UBR3: variants seen among roughly 807,000 people sequenced by gnomAD.
UBR3 encodes ubiquitin protein ligase E3 component n-recognin 3.
Under a neutral mutation model 243.2 loss-of-function variants are expected in UBR3, and 85 were observed. The observed-to-expected ratio is 0.35, with a 90% CI of 0.29 to 0.42. The LOEUF is 0.42. Ranked by LOEUF, UBR3 falls within the 10% of genes least tolerant of loss-of-function variation. The pLI is 1.00. For synonymous variants in UBR3, 748 were observed against 799.8 expected (o/e 0.94, Z 1.09); for missense variants, 1,686 against 2,300.8 (o/e 0.73, Z 5.47).
Position 169,878,308 on chromosome 2 carries a change from G to A in UBR3, c.989-217G>A, listed in dbSNP as rs2083690613. Among the ~76,000 whole-genome samples the A allele has an allele frequency of 3.3e-5, 5 of 150,760 alleles. No homozygotes were observed. In the South Asian group the frequency reaches 1.0e-3, roughly 31 times the overall value. ...TCTGAGAAGTGGAGGTTGCAGTGAG[G>A]TGAGATTGCGCCACTGCACTCCAGC... On this transcript the variant is annotated intron_variant, in intron 4 of 38. Coordinates refer to ENST00000272793, the MANE Select transcript of UBR3 (RefSeq NM_172070.4).
At chr2:169,828,497 G>A (rs2081820346) in intron 1 of UBR3, among the ~76,000 whole-genome samples, 1 of 152,008 alleles carries the variant, frequency 6.6e-6, no homozygotes, top group Non-Finnish European at 1.5e-5. Flanking sequence ...ATTGGCTCGC[G>A]GGATGATGAG....
intron 35 of UBR3, among the ~76,000 whole-genome samples, chr2:170,070,856 AT>A (rs1240985631): frequency 6.6e-6 from 1 of 152,144 alleles, no homozygotes; most frequent in Non-Finnish European, 1.5e-5. Context: ...TATACCTAAA[AT>A]TTTTTTCTAG....
intron 5 of UBR3, among the ~76,000 whole-genome samples, chr2:169,890,536 G>GATATATAT (rs1396382870): frequency 9.3e-5 from 5 of 53,628 alleles, no homozygotes; most frequent in African/African-American, 2.5e-4. Flanking sequence ...GAGAGAGAGA[G>GATATATAT]AGAGATATAT....
intron 31 of UBR3, among the ~76,000 whole-genome samples, chr2:170,038,392 C>T (rs1024506877): frequency 6.6e-6 from 1 of 152,146 alleles, no homozygotes; most frequent in Non-Finnish European, 1.5e-5. Flanking sequence ...ATCCCTTTTC[C>T]CATGAATATT....
chr2:169,836,083 T>C (rs2082104392), intron 1 of UBR3, among the ~76,000 whole-genome samples: 1 of 111,282 alleles, frequency 9.0e-6, no homozygotes, highest in Non-Finnish European at 1.9e-5. Context: ...TTTTTTTTTT[T>C]TTTTTTTTTT....
At chr2:169,980,955 C>G (rs973348528) in intron 24 of UBR3, among the ~76,000 whole-genome samples, 1 of 151,840 alleles carries the variant, frequency 6.6e-6, no homozygotes, top group African/African-American at 2.4e-5. Context: ...CCCACCCCCT[C>G]TAGTGATGAT....
At chr2:169,876,370 G>A (rs1206776583) in intron 3 of UBR3, among the ~76,000 whole-genome samples, 1 of 152,158 alleles carries the variant, frequency 6.6e-6, no homozygotes, top group Non-Finnish European at 1.5e-5. Context: ...GTGAGCCACT[G>A]CGCCTGGCAA....
At chr2:169,837,369 G>A (rs143857994) in intron 1 of UBR3, among the ~76,000 whole-genome samples, 1,773 of 152,276 alleles carry the variant, frequency 0.012, 50 homozygotes, top group African/African-American at 0.039. Flanking sequence ...CCAGCTTCTC[G>A]GGAGGCTGAG....
At chr2:170,034,543 T>C (rs1334839218) in intron 31 of UBR3, among the ~76,000 whole-genome samples, 1 of 151,886 alleles carries the variant, frequency 6.6e-6, no homozygotes, top group Non-Finnish European at 1.5e-5. Flanking sequence ...AACAATCCAT[T>C]GTCTGTACCA....
chr2:169,835,993 G>GTCCCCCTCTCTCTC lies in UBR3; in HGVS notation c.545+7943_545+7944insCCCCTCTCTCTCTC, dbSNP rs1194152380. Among the ~76,000 whole-genome samples the GTCCCCCTCTCTCTC allele has an allele frequency of 5.5e-4, 17 of 30,730 alleles. 1 individual carries two copies. Among genetic ancestry groups the GTCCCCCTCTCTCTC allele is most frequent in the African/African-American group, 1.5e-3 (14 of 9,202 alleles). 20.2% of individuals were successfully genotyped at this position (30,730 alleles called of 152,430 possible). Reference sequence around the variant, plus strand: ...TTTTCCTGAAATTCCTGTGTGCACTGTCTCTCTCTCTCTCTCTCTCTCTCT... The same window carrying GTCCCCCTCTCTCTC: ...TTTTCCTGAAATTCCTGTGTGCACTGTCCCCCTCTCTCTCTCTCTCTCTCTCTCTCTCTCTCTCT... On this transcript the variant is annotated intron_variant, in intron 1 of 38. Transcript: ENST00000272793.
At chr2:169,908,036 ATCT>A (rs369743027) in intron 10 of UBR3, among the ~76,000 whole-genome samples, 7 of 152,056 alleles carry the variant, frequency 4.6e-5, no homozygotes, top group African/African-American at 1.7e-4. Flanking sequence ...CCTATAATTC[ATCT>A]TCTTATACCC....
At chr2:169,894,535 T>A (rs1175666484) in intron 6 of UBR3, among the ~76,000 whole-genome samples, 1 of 152,030 alleles carries the variant, frequency 6.6e-6, no homozygotes. Context: ...AAAAACTGCG[T>A]TAAAGTTATA....
At chr2:169,993,886 C>T (rs1240823535) in intron 25 of UBR3, among the ~76,000 whole-genome samples, 1 of 152,176 alleles carries the variant, frequency 6.6e-6, no homozygotes, top group African/African-American at 2.4e-5. Flanking sequence ...TGTTTGAACA[C>T]TTCCTTGCTC....
intron 8 of UBR3, among the ~76,000 whole-genome samples, chr2:169,902,749 A>G (rs1488503170): frequency 6.6e-6 from 1 of 152,020 alleles, no homozygotes; most frequent in African/African-American, 2.4e-5. Context: ...AGTTGGGATT[A>G]CAGGTGCCTG....
At chr2:169,957,713 A>G (rs1200182363) in intron 23 of UBR3, among the ~76,000 whole-genome samples, 1 of 152,124 alleles carries the variant, frequency 6.6e-6, no homozygotes, top group African/African-American at 2.4e-5. Context: ...AAGTATAATA[A>G]AATAAAATTA....
At chr2:169,996,688 CTTT>C (rs1208683414) in intron 26 of UBR3, among the ~76,000 whole-genome samples, 1 of 88,330 alleles carries the variant, frequency 1.1e-5, no homozygotes, top group African/African-American at 4.1e-5. Context: ...TTGCTTTGGA[CTTT>C]TGTTTTTTTT....
intron 1 of UBR3, among the ~76,000 whole-genome samples, chr2:169,856,568 C>T (rs554220550): frequency 1.8e-4 from 28 of 152,338 alleles, no homozygotes; most frequent in Admixed American, 1.6e-3. Context: ...AGCGAGACTC[C>T]GTCTGCAATC....
At chr2:169,853,598 G>A (rs1047846445) in intron 1 of UBR3, among the ~76,000 whole-genome samples, 4 of 151,642 alleles carry the variant, frequency 2.6e-5, no homozygotes, top group East Asian at 1.9e-4. Flanking sequence ...CTACAGGTGC[G>A]TATCACCACA....
intron 1 of UBR3, among the ~76,000 whole-genome samples, chr2:169,843,091 G>A (rs2082354480): frequency 6.6e-6 from 1 of 152,094 alleles, no homozygotes; most frequent in Non-Finnish European, 1.5e-5. Flanking sequence ...AACTACTCCA[G>A]CCTCTACCTA....
Sources: allele counts gnomAD v4.1 joint callset (sites outside exome capture counted in the v4.1 genomes callset), GRCh38; gene constraint gnomAD v4.1.1; transcripts MANE v1.5; gene names NCBI Gene and HGNC (gene_info 2026-07-23, HGNC 2026-07-21).